Variants in PAH observed in about 807,000 individuals in gnomAD.
The protein encoded by PAH is phenylalanine hydroxylase.
A neutral mutation model predicts 62.0 loss-of-function variants in PAH; 64 were observed. The ratio of observed to expected loss-of-function variants is 1.03; its 90% CI spans 0.84 to 1.27. PAH has a LOEUF of 1.27. Ranked by LOEUF, PAH falls within the 50% of genes most tolerant of loss-of-function variation. The probability of loss-of-function intolerance (pLI) is 0.00; values close to 1 mark genes in which losing one functional copy is unlikely to be tolerated. For missense variants in PAH, 579 were observed against 542.8 expected (o/e 1.07, Z -0.66); for synonymous variants, 195 against 196.2 (o/e 0.99, Z 0.05).
chr12:102,848,522 G>A (rs1230606451), intron 8 of PAH, among the ~76,000 whole-genome samples: 1 of 146,448 alleles, frequency 6.8e-6, no homozygotes, highest in Admixed American at 6.8e-5. Context: ...AGGACACCAG[G>A]AGACTGGAGA....
chr12:102,915,764 T>A (rs1878356767), intron 1 of PAH, among the ~76,000 whole-genome samples: 1 of 152,192 alleles, frequency 6.6e-6, no homozygotes, highest in African/African-American at 2.4e-5. Context: ...TTCAAAACCA[T>A]CCCAGGTGAT....
intron 11 of PAH, among the ~76,000 whole-genome samples, chr12:102,841,699 G>A (rs1290771007): frequency 2.6e-5 from 4 of 152,196 alleles, no homozygotes; most frequent in East Asian, 1.9e-4. Flanking sequence ...CTGGTGGCAT[G>A]AGCCACATGT....
intron 3 of PAH, among the ~76,000 whole-genome samples, chr12:102,879,543 C>T (rs1218610400): frequency 6.6e-6 from 1 of 151,030 alleles, no homozygotes; most frequent in Middle Eastern, 3.2e-3. Context: ...GGAACCTAGG[C>T]TCTCTACCAC....
At chr12:102,956,049 C>T (rs1394102808) in intron 1 of PAH, among the ~76,000 whole-genome samples, 1 of 152,200 alleles carries the variant, frequency 6.6e-6, no homozygotes, top group African/African-American at 2.4e-5. Flanking sequence ...AGCCCACATA[C>T]CAAGAGCAGC....
chr12:102,940,450 A>G (rs959760314), intron 1 of PAH, among the ~76,000 whole-genome samples: 3 of 152,206 alleles, frequency 2.0e-5, no homozygotes, highest in African/African-American at 7.2e-5. Context: ...GATTCAAGAG[A>G]TGAAAGACAA....
chr12:102,851,245 G>A (rs1013796783), intron 8 of PAH, among the ~76,000 whole-genome samples: 7 of 152,092 alleles, frequency 4.6e-5, no homozygotes, highest in Non-Finnish European at 1.0e-4. Context: ...CTCTAAGTCA[G>A]GGTATCAGCA....
intron 1 of PAH, among the ~76,000 whole-genome samples, chr12:102,926,791 C>T (rs73393539): frequency 0.032 from 4,801 of 152,060 alleles, 263 homozygotes; most frequent in African/African-American, 0.11. Context: ...TTTATTACTA[C>T]CTATGCTTTT....
At chr12:102,938,339 T>C (rs949489941) in intron 1 of PAH, among the ~76,000 whole-genome samples, 5 of 152,176 alleles carry the variant, frequency 3.3e-5, no homozygotes, top group Admixed American at 2.6e-4. Context: ...CAAACTGACA[T>C]GGACAACTGC....
chr12:102,928,400 G>C (rs373762370), intron 1 of PAH, among the ~76,000 whole-genome samples: 98 of 152,234 alleles, frequency 6.4e-4, no homozygotes, highest in African/African-American at 2.2e-3. Context: ...AGAAGTCTGA[G>C]ATATTGTAGT....
chr12:102,889,377 A>C (rs1877174555), intron 3 of PAH, among the ~76,000 whole-genome samples: 1 of 152,156 alleles, frequency 6.6e-6, no homozygotes, highest in Non-Finnish European at 1.5e-5. Context: ...GTCTTCTCAC[A>C]GTAATCATAA....
At chr12:102,895,125 G>A (rs1877447941) in intron 2 of PAH, among the ~76,000 whole-genome samples, 1 of 152,078 alleles carries the variant, frequency 6.6e-6, no homozygotes, top group African/African-American at 2.4e-5. Flanking sequence ...GCAGGAGGTG[G>A]GGCAGTTAGT....
intron 9 of PAH, among the ~76,000 whole-genome samples, chr12:102,846,022 C>A (rs1361447330): frequency 6.6e-6 from 1 of 152,098 alleles, no homozygotes; most frequent in Non-Finnish European, 1.5e-5. Context: ...TCTCTGTAGC[C>A]TCTGGCATTT....
At chr12:102,901,624 A>C (rs1377954528) in intron 2 of PAH, among the ~76,000 whole-genome samples, 1 of 151,900 alleles carries the variant, frequency 6.6e-6, no homozygotes, top group Non-Finnish European at 1.5e-5. Context: ...AGCACACTTC[A>C]AAAAGAAGGA....
At chr12:102,851,880 T>C in intron 7 of PAH, 124 bp from the exon 8 acceptor site, 1 of 738,230 alleles carries the variant, frequency 1.4e-6, no homozygotes, top group Non-Finnish European at 2.4e-6. Context: ...ATGATCCCTC[T>C]CCCAGGAATA....
At chr12:102,906,741 C>T (rs920218523) in intron 2 of PAH, among the ~76,000 whole-genome samples, 1 of 152,120 alleles carries the variant, frequency 6.6e-6, no homozygotes, top group Non-Finnish European at 1.5e-5. Context: ...GAAGCAGATA[C>T]GATTACTATT....
At chr12:102,945,095 T>C in intron 1 of PAH, 1 of 152,250 alleles carries the variant, frequency 6.6e-6, no homozygotes, top group Non-Finnish European at 1.5e-5. Context: ...CTCTTGTTTT[T>C]AATCCTTACT....
chr12:102,893,710 C>A (rs891854278), intron 3 of PAH, among the ~76,000 whole-genome samples: 2 of 152,212 alleles, frequency 1.3e-5, no homozygotes, highest in African/African-American at 4.8e-5. Context: ...GGACTTGAAC[C>A]ACAGTCTATT....
rs62642937 is a variant in PAH, at chr12:102,843,706, G to A, written c.1139C>T (p.Thr380Met). ...EKTAIQNYTV[T>M]EFQPLYYVAE... ...CACGTAATAGAGGGGCTGGAACTCC[G>A]TGACAGTGTAATTTTGGATGGCTGT... Residue 380 changes from threonine to methionine, a missense_variant, in exon 11 of 13, where the codon ACG becomes ATG. Coordinates refer to ENST00000553106, the MANE Select transcript of PAH (RefSeq NM_000277.3). 3.9e-4 allele frequency: 623 copies of A among 1,613,572 alleles called. 1 individual carries two copies. The highest frequency in any genetic ancestry group is 1.3e-3 in the Middle Eastern group (8 of 6,056).
chr12:102,903,965 G>A (rs142591945), intron 2 of PAH, among the ~76,000 whole-genome samples: 89 of 152,204 alleles, frequency 5.8e-4, no homozygotes, highest in African/African-American at 2.1e-3. Flanking sequence ...TTTCCTAAAA[G>A]GCATGGACAT....
Sources: gnomAD v4.1 joint callset for allele counts (sites outside exome capture counted in the v4.1 genomes callset) on GRCh38, gnomAD v4.1.1 for gene constraint, MANE v1.5 for transcripts, NCBI Gene and HGNC (gene_info 2026-07-23, HGNC 2026-07-21) for gene names.